Variants in NAALADL2 observed in about 807,000 individuals in gnomAD.
NAALADL2 encodes the protein N-acetylated alpha-linked acidic dipeptidase like 2, also known as inactive N-acetylated-alpha-linked acidic dipeptidase-like protein 2.
In NAALADL2, 76 loss-of-function variants were observed where a neutral mutation model predicts 87.2. The observed-to-expected ratio is 0.87, with a 90% CI of 0.72 to 1.05. The LOEUF is 1.05. Ranked by LOEUF, NAALADL2 falls within the 50% of genes least tolerant of loss-of-function variation. The pLI is 0.00. For missense variants in NAALADL2, 1,089 were observed against 945.8 expected, an observed-to-expected ratio of 1.15 and a Z score of -1.99; for synonymous variants, 354 against 331.0, an observed-to-expected ratio of 1.07 and a Z score of -0.75.
At chr3:175,338,651 ACACACACAC>A (rs1762270984) in intron 5 of NAALADL2, among the ~76,000 whole-genome samples, 1 of 149,352 alleles carries the variant, frequency 6.7e-6, no homozygotes, top group Non-Finnish European at 1.5e-5. Flanking sequence ...ACACACACAC[ACACACACAC>A]ACAAACAAAC....
chr3:175,520,282 A>ATT (rs35580351), intron 9 of NAALADL2, among the ~76,000 whole-genome samples: 1 of 78,144 alleles, frequency 1.3e-5, no homozygotes, highest in Non-Finnish European at 2.4e-5. Flanking sequence ...AAAGAATGCA[A>ATT]TTTTTTTTTT....
intron 12 of NAALADL2, among the ~76,000 whole-genome samples, chr3:175,751,259 C>T (rs1233078865): frequency 6.6e-6 from 1 of 151,712 alleles, no homozygotes; most frequent in Non-Finnish European, 1.5e-5. Context: ...GATAGCAGCC[C>T]ATGGGGAAAA....
chr3:174,740,006 TG>T (rs1157311219), intron 3 of NAALADL2, among the ~76,000 whole-genome samples: 2 of 152,184 alleles, frequency 1.3e-5, no homozygotes, highest in South Asian at 2.1e-4. Context: ...CTTATTACCT[TG>T]TTTTATAAAA....
chr3:175,168,989 T>G (rs570815204), intron 2 of NAALADL2, among the ~76,000 whole-genome samples: 9 of 151,724 alleles, frequency 5.9e-5, no homozygotes, highest in Non-Finnish European at 1.0e-4. Flanking sequence ...GCTGTACAGA[T>G]TTTTTTAATG....
chr3:174,727,280 TA>T (rs34713382), intron 2 of NAALADL2, among the ~76,000 whole-genome samples: 74 of 146,578 alleles, frequency 5.0e-4, no homozygotes, highest in South Asian at 1.3e-3. Flanking sequence ...TTCCACTTTC[TA>T]AAAAAAAAAA....
Position 175,130,722 on chromosome 3 carries a change from G to C in NAALADL2, c.545+33431G>C, listed in dbSNP as rs1021061468. Reference sequence around the variant, plus strand: ...CTTTAAGCCATCTAATTTGACACATGTATGTGTCTATTTGTGGGTTCTATT... The same window carrying C: ...CTTTAAGCCATCTAATTTGACACATCTATGTGTCTATTTGTGGGTTCTATT... On this transcript the variant is annotated intron_variant, in intron 2 of 13. Coordinates refer to ENST00000454872, the MANE Select transcript of NAALADL2 (RefSeq NM_207015.3). Among the ~76,000 whole-genome samples the C allele has an allele frequency of 7.2e-5, 11 of 152,180 alleles. No individual in the cohort carries two copies. In the East Asian group the frequency reaches 1.3e-3, roughly 19 times the overall value.
chr3:174,728,990 T>G (rs902721867), intron 2 of NAALADL2, among the ~76,000 whole-genome samples: 1 of 152,206 alleles, frequency 6.6e-6, no homozygotes, highest in South Asian at 2.1e-4. Flanking sequence ...AAGTAATCAT[T>G]AGTGGACTGA....
intron 3 of NAALADL2, among the ~76,000 whole-genome samples, chr3:174,812,236 C>T (rs1029427312): frequency 1.3e-5 from 2 of 152,046 alleles, no homozygotes; most frequent in African/African-American, 4.8e-5. Context: ...GATCTTGCTC[C>T]TAGATACACA....
chr3:174,746,767 TAAGACCA>T (rs1734301355), intron 3 of NAALADL2, among the ~76,000 whole-genome samples: 2 of 152,032 alleles, frequency 1.3e-5, no homozygotes, highest in Non-Finnish European at 2.9e-5. Context: ...ATCTCAGAAA[TAAGACCA>T]CCTATCTACA....
At chr3:175,667,686 G>A (rs901518382) in intron 11 of NAALADL2, among the ~76,000 whole-genome samples, 1 of 150,844 alleles carries the variant, frequency 6.6e-6, no homozygotes, top group African/African-American at 2.4e-5. Context: ...ACTTGTCCTT[G>A]AAATTCTCTG....
intron 4 of NAALADL2, among the ~76,000 whole-genome samples, chr3:175,266,314 A>G (rs1239707992): frequency 6.6e-6 from 1 of 151,262 alleles, no homozygotes; most frequent in East Asian, 1.9e-4. Context: ...CAAAATTTTA[A>G]TCAATATTGG....
chr3:175,428,394 A>C (rs561330468), intron 5 of NAALADL2, among the ~76,000 whole-genome samples: 1 of 152,282 alleles, frequency 6.6e-6, no homozygotes, highest in Admixed American at 6.5e-5. Flanking sequence ...ACTTTATAAC[A>C]AAATAGTCAC....
At chr3:174,903,211 C>G (rs1206596940) in intron 1 of NAALADL2, among the ~76,000 whole-genome samples, 1 of 151,968 alleles carries the variant, frequency 6.6e-6, no homozygotes, top group African/African-American at 2.4e-5. Flanking sequence ...TTTCTAAGTT[C>G]CAGTATTTGA....
intron 4 of NAALADL2, among the ~76,000 whole-genome samples, chr3:175,284,677 C>G (rs549513316): frequency 6.6e-6 from 1 of 152,154 alleles, no homozygotes; most frequent in South Asian, 2.1e-4. Flanking sequence ...TGTTTCTTAA[C>G]AGATAGGAAA....
chr3:174,546,707 G>A (rs759175700), intron 1 of NAALADL2, among the ~76,000 whole-genome samples: 5 of 152,216 alleles, frequency 3.3e-5, no homozygotes, highest in Non-Finnish European at 5.9e-5. Context: ...GTTCATGCTT[G>A]AGCGCAGTGG....
intron 11 of NAALADL2, among the ~76,000 whole-genome samples, chr3:175,695,485 G>T (rs903594940): frequency 2.0e-5 from 3 of 152,084 alleles, no homozygotes; most frequent in African/African-American, 4.8e-5. Flanking sequence ...TCATAGTGAG[G>T]TTTAAAAGAA....
chr3:175,558,163 C>A (rs79079133), intron 9 of NAALADL2, among the ~76,000 whole-genome samples: 19,300 of 143,296 alleles, frequency 0.13, 1,378 homozygotes, highest in Middle Eastern at 0.19. Context: ...CCACTGCACT[C>A]CAACCTGGGC....
intron 5 of NAALADL2, among the ~76,000 whole-genome samples, chr3:175,388,699 A>G (rs919286184): frequency 2.0e-5 from 3 of 151,950 alleles, no homozygotes; most frequent in African/African-American, 7.2e-5. Flanking sequence ...TACCTTTTCT[A>G]TATTACTCAT....
chr3:174,722,589 C>T (rs1731806472), intron 2 of NAALADL2, among the ~76,000 whole-genome samples: 1 of 152,110 alleles, frequency 6.6e-6, no homozygotes, highest in Non-Finnish European at 1.5e-5. Flanking sequence ...GTAATCCCAG[C>T]TACTCGGGAG....
Sources: allele counts gnomAD v4.1 joint callset (sites outside exome capture counted in the v4.1 genomes callset), GRCh38; gene constraint gnomAD v4.1.1; transcripts MANE v1.5; gene names NCBI Gene and HGNC (gene_info 2026-07-23, HGNC 2026-07-21).